The following DLGAP2 variants were observed in gnomAD, a reference collection of about 807,000 sequenced individuals.
The protein encoded by DLGAP2 is DLG associated protein 2, also known as disks large-associated protein 2.
DLGAP2 carries 26 observed loss-of-function variants against 100.3 expected under a neutral mutation model. That is an observed-to-expected ratio of 0.26 (90% CI 0.19 to 0.36). DLGAP2 has a LOEUF of 0.36. DLGAP2 is among the 10% of genes least tolerant of loss of function. The pLI is 1.00. For synonymous variants in DLGAP2, 886 were observed against 630.1 expected (o/e 1.41, Z -6.08); for missense variants, 1,858 against 1,453.2 (o/e 1.28, Z -4.53).
chr8:1,448,710 A>T (rs1798052411), intron 3 of DLGAP2, among the ~76,000 whole-genome samples: 2 of 152,164 alleles, frequency 1.3e-5, no homozygotes, highest in Admixed American at 6.5e-5. Context: ...GTTCTTTGCT[A>T]TTGTTTTTAA....
intron 5 of DLGAP2, among the ~76,000 whole-genome samples, chr8:1,553,185 C>T (rs1363710432): frequency 6.6e-6 from 1 of 152,146 alleles, no homozygotes; most frequent in Non-Finnish European, 1.5e-5. Flanking sequence ...GGCCTCTGTC[C>T]CCGCCTCCTT....
intron 2 of DLGAP2, among the ~76,000 whole-genome samples, chr8:1,212,008 T>G (rs1798116026): frequency 6.6e-6 from 1 of 152,242 alleles, no homozygotes; most frequent in Non-Finnish European, 1.5e-5. Context: ...TCTTGGTTCT[T>G]GGTCCTTCAC....
chr8:1,188,291 C>T (rs1160963158), intron 2 of DLGAP2, among the ~76,000 whole-genome samples: 2 of 129,880 alleles, frequency 1.5e-5, no homozygotes. Flanking sequence ...GTTTGCCTCA[C>T]AGAATCTCAC....
intron 3 of DLGAP2, among the ~76,000 whole-genome samples, chr8:1,318,704 A>C (rs1352893971): frequency 3.3e-5 from 5 of 152,032 alleles, no homozygotes; most frequent in Non-Finnish European, 5.9e-5. Flanking sequence ...TTCAAAATGA[A>C]AATTGAGTGG....
intron 2 of DLGAP2, among the ~76,000 whole-genome samples, chr8:1,214,047 C>A (rs1798162178): frequency 6.6e-6 from 1 of 151,266 alleles, no homozygotes; most frequent in Non-Finnish European, 1.5e-5. Flanking sequence ...CCACAGCCGC[C>A]TGTCCTCACC....
intron 2 of DLGAP2, among the ~76,000 whole-genome samples, chr8:1,188,600 G>A (rs568912810): frequency 6.9e-6 from 1 of 145,304 alleles, no homozygotes; most frequent in Non-Finnish European, 1.5e-5. Context: ...CACCCGGGAC[G>A]TCCGTGACAT....
intron 2 of DLGAP2, among the ~76,000 whole-genome samples, chr8:1,138,149 G>C (rs1451818760): frequency 6.6e-6 from 1 of 152,380 alleles, no homozygotes; most frequent in South Asian, 2.1e-4. Context: ...ATGGATTTGA[G>C]GGGAAACGGG....
chr8:1,689,886 G>T (rs565096325), intron 12 of DLGAP2, among the ~76,000 whole-genome samples: 1 of 152,362 alleles, frequency 6.6e-6, no homozygotes, highest in South Asian at 2.1e-4. Flanking sequence ...ACGCTCTATG[G>T]AAGAACGGTG....
In DLGAP2 at chr8:1,690,682, C is replaced by T. The variant is rs1326882052; in HGVS notation, c.2705-853C>T. Among the ~76,000 whole-genome samples, 7 of 106,336 alleles carry T rather than the reference C, an allele frequency of 6.6e-5. No individual in the cohort carries two copies. The East Asian group carries it at 8.8e-4, about 13-fold the overall frequency. The allele number at this position is 106,336 out of a possible 152,430, so 69.8% of individuals were successfully genotyped here. On this transcript the variant is annotated intron_variant, in intron 12 of 14. Coordinates refer to ENST00000637795, the MANE Select transcript of DLGAP2 (RefSeq NM_001346810.2). Reference sequence around the variant, plus strand: ...TTGCGCCACTCCACTCCAGCCTGGGCGATAAAGGGAGACCCTATCTCAAAA... The same window carrying T: ...TTGCGCCACTCCACTCCAGCCTGGGTGATAAAGGGAGACCCTATCTCAAAA...
At chr8:1,090,894 A>G (rs190265969) in intron 2 of DLGAP2, among the ~76,000 whole-genome samples, 86 of 152,364 alleles carry the variant, frequency 5.6e-4, no homozygotes, top group African/African-American at 2.0e-3. Context: ...TATAATTTCT[A>G]TGATTTCAGT....
At chr8:1,226,167 G>A (rs184606340) in intron 2 of DLGAP2, among the ~76,000 whole-genome samples, 1 of 152,198 alleles carries the variant, frequency 6.6e-6, no homozygotes, top group African/African-American at 2.4e-5. Flanking sequence ...TTATAAAGAT[G>A]CATGCGCACG....
At chr8:1,344,147 G>T (rs113653485) in intron 3 of DLGAP2, among the ~76,000 whole-genome samples, 6 of 151,116 alleles carry the variant, frequency 4.0e-5, no homozygotes, top group African/African-American at 1.2e-4. Context: ...TGTACTCGGG[G>T]CCCTGTCGTG....
chr8:750,635 G>A (rs748999747), intron 1 of DLGAP2, among the ~76,000 whole-genome samples: 1 of 152,140 alleles, frequency 6.6e-6, no homozygotes, highest in Non-Finnish European at 1.5e-5. Context: ...ATTAACGGCC[G>A]TACATTTTGA....
At chr8:1,368,335 G>C (rs1277172535) in intron 3 of DLGAP2, among the ~76,000 whole-genome samples, 1 of 151,644 alleles carries the variant, frequency 6.6e-6, no homozygotes, top group Non-Finnish European at 1.5e-5. Flanking sequence ...GCATGCATGT[G>C]TGTGTGCATG....
chr8:1,281,600 C>G (rs1462065073), intron 3 of DLGAP2, among the ~76,000 whole-genome samples: 2 of 152,166 alleles, frequency 1.3e-5, no homozygotes, highest in African/African-American at 4.8e-5. Flanking sequence ...TGAGCCCGTC[C>G]TCATTCTCAT....
In DLGAP2 at chr8:1,678,370, CAGCGCGGTG is replaced by C; in HGVS notation, c.2448_2456del (p.Ser816_Val818del). ...CCGAGCCCAGCACCCCCACCCAGTA[CAGCGCGGTG>C]AGAACTGTACGGACCCAGGGGCTCT... On this transcript the variant is annotated inframe_deletion, in exon 12 of 15. Transcript: ENST00000637795. 1 of 1,614,032 alleles carries C rather than the reference CAGCGCGGTG, an allele frequency of 6.2e-7. No homozygotes were observed. The highest frequency in any genetic ancestry group is 8.5e-7 in the Non-Finnish European group (1 of 1,179,902).
chr8:1,296,252 G>A (rs1047031860), intron 3 of DLGAP2: 1 of 151,904 alleles, frequency 6.6e-6, no homozygotes, highest in African/African-American at 2.4e-5. Context: ...CAGCACTCTT[G>A]TTGAATAGAT....
At chr8:1,605,728 C>T (rs1404951717) in intron 6 of DLGAP2, among the ~76,000 whole-genome samples, 2 of 152,182 alleles carry the variant, frequency 1.3e-5, no homozygotes, top group Non-Finnish European at 2.9e-5. Flanking sequence ...CCACAGCGTC[C>T]ATGATGGGGT....
chr8:804,477 G>A (rs1585882163), intron 1 of DLGAP2, among the ~76,000 whole-genome samples: 2 of 152,246 alleles, frequency 1.3e-5, no homozygotes, highest in South Asian at 2.1e-4. Flanking sequence ...CCGATTCTCC[G>A]GCCTTGTTGC....
Sources: gnomAD v4.1 joint callset for allele counts (sites outside exome capture counted in the v4.1 genomes callset) on GRCh38, gnomAD v4.1.1 for gene constraint, MANE v1.5 for transcripts, NCBI Gene and HGNC (gene_info 2026-07-23, HGNC 2026-07-21) for gene names.